DYNC2I1: variants seen among roughly 807,000 people sequenced by gnomAD.
DYNC2I1 encodes dynein 2 intermediate chain 1.
Under a neutral mutation model 133.4 loss-of-function variants are expected in DYNC2I1, and 89 were observed. The ratio of observed to expected loss-of-function variants is 0.67; its 90% CI spans 0.56 to 0.80. DYNC2I1 has a LOEUF of 0.80. DYNC2I1 is among the 30% of genes least tolerant of loss of function. The pLI is 0.00. For missense variants in DYNC2I1, 1,291 were observed against 1,314.5 expected, an observed-to-expected ratio of 0.98 and a Z score of 0.28; for synonymous variants, 504 against 484.3, an observed-to-expected ratio of 1.04 and a Z score of -0.54.
chr7:158,949,848 C>A (rs1466999396), downstream of DYNC2I1, among the ~76,000 whole-genome samples: 1 of 152,008 alleles, frequency 6.6e-6, no homozygotes, highest in Non-Finnish European at 1.5e-5. Context: ...CTCGCCTCAC[C>A]GCAACCTCCG....
intron 15 of DYNC2I1, among the ~76,000 whole-genome samples, chr7:158,919,698 T>C (rs1848824022): frequency 6.6e-6 from 1 of 152,354 alleles, no homozygotes; most frequent in African/African-American, 2.4e-5. Flanking sequence ...TTTATTTACA[T>C]TTCTCTGTCT....
chr7:158,901,844 A>G, intron 9 of DYNC2I1, 28 bp downstream of exon 9: 1 of 1,458,958 alleles, frequency 6.9e-7, no homozygotes. Context: ...AACTTTCCTT[A>G]GCTTAAAAAT....
At chr7:158,918,127 A>G (rs142950596) in intron 14 of DYNC2I1, among the ~76,000 whole-genome samples, 134 of 152,168 alleles carry the variant, frequency 8.8e-4, no homozygotes, top group Non-Finnish European at 1.6e-3. Flanking sequence ...TTCCCGGGTC[A>G]TGTCAGTTCC....
intron 21 of DYNC2I1, 138 bp from the exon 22 acceptor site, chr7:158,933,991 G>T: frequency 1.6e-6 from 1 of 621,454 alleles, no homozygotes; most frequent in Non-Finnish European, 2.7e-6. Context: ...AATAGAAACA[G>T]AGTGGCTAAA....
the DYNC2I1 span, among the ~76,000 whole-genome samples, chr7:158,848,462 A>G: frequency 6.6e-6 from 1 of 152,218 alleles, no homozygotes; most frequent in Non-Finnish European, 1.5e-5. Flanking sequence ...CTGATGCTTA[A>G]TTAAACATTA....
At position 158,871,279 on chromosome 7, in the gene DYNC2I1, G is replaced by T. The variant is rs1842849090; in HGVS notation, c.207G>T (p.Arg69Ser). Residue 69 changes from arginine to serine, a missense_variant, in exon 3 of 25, where the codon AGG (arginine) becomes AGT (serine). Physicochemically the swap from Arg to Ser is moderately radical, Grantham distance 110. Transcript: ENST00000407559. The stretch of plus-strand genomic sequence containing the variant: ...ACCAGGATGCCAGGAGCAGAGACAG[G>T]GTGGCCGAAGTCCACACCGCTAAGG... ...DPDQDARSRD[R>S]VAEVHTAKES... 1.3e-6 allele frequency: 2 copies of T among 1,594,176 alleles called. No individual in the cohort carries two copies. The highest frequency in any genetic ancestry group is 1.7e-6 in the Non-Finnish European group (2 of 1,169,736).
chr7:158,935,097 AGT>A (rs1850615924), intron 23 of DYNC2I1, among the ~76,000 whole-genome samples: 1 of 152,262 alleles, frequency 6.6e-6, no homozygotes, highest in Admixed American at 6.5e-5. Context: ...AGAAATTCTT[AGT>A]GTGAGGATTT....
chr7:158,926,588 G>C, intron 19 of DYNC2I1, 125 bp downstream of exon 19: 1 of 1,093,574 alleles, frequency 9.1e-7, no homozygotes, highest in Non-Finnish European at 1.3e-6. Flanking sequence ...AGCAAGACTG[G>C]GCTTCTTGGT....
intron 7 of DYNC2I1, among the ~76,000 whole-genome samples, chr7:158,889,065 A>AC (rs1554452655): frequency 8.3e-6 from 1 of 120,288 alleles, no homozygotes; most frequent in Non-Finnish European, 1.7e-5. Flanking sequence ...ACACACACAC[A>AC]CCCCTCCTGT....
intron 11 of DYNC2I1, among the ~76,000 whole-genome samples, chr7:158,907,272 T>C (rs979099832): frequency 8.9e-5 from 12 of 134,524 alleles, no homozygotes; most frequent in Non-Finnish European, 1.7e-4. Flanking sequence ...CCCATGGCCT[T>C]CTTTTTTTTT....
In DYNC2I1 at chr7:158,941,986, AG is replaced by A. The variant is rs748645101; in HGVS notation, c.2841del (p.Gln947HisfsTer89). On this transcript the variant is annotated frameshift_variant, in exon 24 of 25. Coordinates refer to ENST00000407559, the MANE Select transcript of DYNC2I1 (RefSeq NM_018051.5). LOFTEE classifies it high-confidence loss of function. ...HQLSSAFPLL[Q>X]WDSSTDSHAV... ...CTGAGCTCCGCGTTTCCGCTCCTGC[AG>A]TGGGACAGCAGCACGGACAGCCATG... The A allele has an allele frequency of 8.7e-6, 14 of 1,613,272 alleles. No individual in the cohort carries two copies. The Admixed American group carries it at 2.3e-4, about 27-fold the overall frequency.
At chr7:158,860,246 A>G (rs1247521849) in intron 1 of DYNC2I1, among the ~76,000 whole-genome samples, 1 of 151,938 alleles carries the variant, frequency 6.6e-6, no homozygotes, top group Non-Finnish European at 1.5e-5. Flanking sequence ...TTTAGTAGAG[A>G]CACGGTTTCA....
At chr7:158,888,476 T>C (rs937916530) in intron 7 of DYNC2I1, among the ~76,000 whole-genome samples, 2 of 151,636 alleles carry the variant, frequency 1.3e-5, no homozygotes, top group African/African-American at 4.9e-5. Context: ...TACATATATA[T>C]ATATATATAC....
At position 158,879,935 on chromosome 7, in the gene DYNC2I1, C is replaced by A; in HGVS notation, c.825C>A (p.Asn275Lys). The A allele has an allele frequency of 6.2e-7, 1 of 1,608,778 alleles. No homozygotes were observed. The highest frequency in any genetic ancestry group is 2.2e-5 in the East Asian group (1 of 44,854). Residue 275 changes from asparagine (N) to lysine (K), a missense_variant, in exon 5 of 25, where the codon AAC becomes AAA. Physicochemically the swap from Asn to Lys is moderately conservative, Grantham distance 94. Transcript: ENST00000407559. ...TTGATGATGAGAGGCACCAAAGCAACGTGGATAGAAAAGAGAAATCGGCAA... is the reference window on the plus strand; with the variant it reads ...TTGATGATGAGAGGCACCAAAGCAAAGTGGATAGAAAAGAGAAATCGGCAA... The part of the protein sequence containing the change: ...FHFDDERHQS[N>K]VDRKEKSAKD...
the DYNC2I1 span, among the ~76,000 whole-genome samples, chr7:158,843,593 G>T: frequency 6.6e-6 from 1 of 151,980 alleles, no homozygotes; most frequent in African/African-American, 2.4e-5. Context: ...ATGAGGTTTT[G>T]CTATGTTGGT....
intron 8 of DYNC2I1, among the ~76,000 whole-genome samples, chr7:158,899,590 A>G (rs921320227): frequency 6.6e-6 from 1 of 152,180 alleles, no homozygotes; most frequent in Non-Finnish European, 1.5e-5. Flanking sequence ...ATCTCCCAGA[A>G]TTCCCACATG....
Position 158,871,458 on chromosome 7 carries a change from C to T in DYNC2I1, c.386C>T (p.Ala129Val). Residue 129 changes from alanine (A) to valine (V), a missense_variant, in exon 3 of 25, where the codon GCC becomes GTC. Coordinates refer to ENST00000407559, the MANE Select transcript of DYNC2I1 (RefSeq NM_018051.5). Reference protein sequence around the residue: ...KDREKEKDRRARKEELRQTVA... With the variant: ...KDREKEKDRRVRKEELRQTVA... ...AGGGAAAAAGAAAAAGACAGAAGGG[C>T]CCGGAAGGAAGAGCTCCGGCAGACC... 6.5e-7 allele frequency: 1 copy of T among 1,550,170 alleles called. No individual in the cohort carries two copies. Among genetic ancestry groups the T allele is most frequent in the Non-Finnish European group, 8.7e-7 (1 of 1,146,920 alleles).
At chr7:158,846,544 G>T in the DYNC2I1 span, among the ~76,000 whole-genome samples, 1 of 151,958 alleles carries the variant, frequency 6.6e-6, no homozygotes, top group African/African-American at 2.4e-5. Context: ...AATTAAATTG[G>T]CTGTAATTAA....
chr7:158,951,149 G>T (rs938447284), downstream of DYNC2I1, among the ~76,000 whole-genome samples: 2 of 152,242 alleles, frequency 1.3e-5, no homozygotes, highest in Non-Finnish European at 2.9e-5. Context: ...TCTGATGGTT[G>T]TTTTGTCTCT....
Sources: gnomAD v4.1 joint callset for allele counts (sites outside exome capture counted in the v4.1 genomes callset) on GRCh38, gnomAD v4.1.1 for gene constraint, MANE v1.5 for transcripts, NCBI Gene and HGNC (gene_info 2026-07-23, HGNC 2026-07-21) for gene names.